The following TTC12 variants were observed in gnomAD, a reference collection of about 807,000 sequenced individuals.
TTC12 encodes tetratricopeptide repeat protein 12.
TTC12 carries 70 observed loss-of-function variants against 90.1 expected under a neutral mutation model. The observed-to-expected ratio is 0.78, with a 90% CI of 0.64 to 0.95. The LOEUF (loss-of-function observed/expected upper bound fraction) is 0.95, where lower values mean the gene tolerates loss of function less well. Ranked by LOEUF, TTC12 falls within the 40% of genes least tolerant of loss-of-function variation. The pLI is 0.00. For missense variants in TTC12, 819 were observed against 846.1 expected, an observed-to-expected ratio of 0.97 and a Z score of 0.40; for synonymous variants, 296 against 311.5, an observed-to-expected ratio of 0.95 and a Z score of 0.53.
intron 13 of TTC12, 87 bp downstream of exon 13, chr11:113,344,527 G>A (rs1948845686): frequency 7.4e-7 from 1 of 1,346,644 alleles, no homozygotes; most frequent in East Asian, 2.3e-5. Context: ...TCCTATCTCT[G>A]TTGTGTGACT....
Position 113,340,698 on chromosome 11 carries a change from A to T in TTC12, c.861A>T (p.Gly287=). The change falls in exon 11 of 22, where the codon GGA becomes GGT. Residue 287 remains glycine (G), a synonymous_variant. Coordinates refer to ENST00000529221, the MANE Select transcript of TTC12 (RefSeq NM_017868.4). ...AAACTTTATTCAGAATGCACAATGGATTTAGTATCATCAGTGACAACGAGG... is the reference window on the plus strand; with the variant it reads ...AAACTTTATTCAGAATGCACAATGGTTTTAGTATCATCAGTGACAACGAGG... The part of the protein sequence containing the change: ...TEQTLFRMHN[G]FSIISDNEVI... 6.2e-7 allele frequency: 1 copy of T among 1,614,116 alleles called. No homozygotes were observed. The highest frequency in any genetic ancestry group is 8.5e-7 in the Non-Finnish European group (1 of 1,179,980).
chr11:113,368,694 G>A (rs1591235320), downstream of TTC12: 3 of 608,582 alleles, frequency 4.9e-6, no homozygotes, highest in Non-Finnish European at 5.9e-6. Context: ...GGAAGGGGCT[G>A]AGATGCTGCA....
chr11:113,370,304 C>A (rs1229459911), downstream of TTC12, among the ~76,000 whole-genome samples: 1 of 152,250 alleles, frequency 6.6e-6, no homozygotes, highest in Admixed American at 6.5e-5. Flanking sequence ...TAGCTCCAAT[C>A]ATATATTCAT....
chr11:113,317,169 G>A (rs1235958975), intron 2 of TTC12, among the ~76,000 whole-genome samples: 1 of 152,148 alleles, frequency 6.6e-6, no homozygotes, highest in African/African-American at 2.4e-5. Flanking sequence ...CCACCTGTTT[G>A]TTCATGACCC....
rs1263019487 is a variant in TTC12, at chr11:113,344,340, A to G, written c.1054A>G (p.Lys352Glu). The part of the protein sequence containing the change: ...ARLLAALLSS[K>E]VLAIRQQSFA... The stretch of plus-strand genomic sequence containing the variant: ...GCTGTTGGCCGCCCTCTTGTCCTCC[A>G]AGGTCCTGGCCATCCGGCAGCAGAG... Residue 352 changes from lysine (K) to glutamate (E), a missense_variant, in exon 13 of 22, where the codon AAG becomes GAG. Lys to Glu is a moderately conservative substitution (Grantham distance 56). Transcript: ENST00000529221. The G allele has an allele frequency of 6.2e-7, 1 of 1,614,184 alleles. No individual in the cohort carries two copies. Among genetic ancestry groups the G allele is most frequent in the East Asian group, 2.2e-5 (1 of 44,882 alleles).
intron 2 of TTC12, among the ~76,000 whole-genome samples, chr11:113,322,875 G>A (rs1317297860): frequency 2.0e-5 from 3 of 152,046 alleles, no homozygotes; most frequent in African/African-American, 7.2e-5. Context: ...AGGGTTAAGG[G>A]CTGCTGTTTT....
chr11:113,336,178 G>A (rs1442626596), intron 8 of TTC12, among the ~76,000 whole-genome samples: 6 of 152,078 alleles, frequency 3.9e-5, no homozygotes, highest in Admixed American at 2.6e-4. Flanking sequence ...TAATGATGTT[G>A]AGGATCTTTT....
intron 2 of TTC12, among the ~76,000 whole-genome samples, chr11:113,318,140 A>G (rs1947063557): frequency 6.6e-6 from 1 of 152,352 alleles, no homozygotes; most frequent in Admixed American, 6.5e-5. Context: ...TAAGGCCTAG[A>G]GAATACAGTC....
rs145057991 is a variant in TTC12, at chr11:113,356,888, T to A, written c.1447-2475T>A. On this transcript the variant is annotated intron_variant, in intron 16 of 21. Coordinates refer to ENST00000529221, the MANE Select transcript of TTC12 (RefSeq NM_017868.4). The stretch of plus-strand genomic sequence containing the variant: ...TTCTTTCATTTTGACCTTGGAGAAT[T>A]TGATGATTATGTGTCTTGGGGGTGA... 6.6e-3 allele frequency among the ~76,000 whole-genome samples: 1,000 copies of A among 152,258 alleles called. 73 individuals are homozygous for A. The East Asian group carries it at 0.17, about 26-fold the overall frequency.
chr11:113,331,405 ATTCTG>A (rs1948058394), intron 7 of TTC12, among the ~76,000 whole-genome samples: 1 of 152,216 alleles, frequency 6.6e-6, no homozygotes, highest in Non-Finnish European at 1.5e-5. Context: ...ACGAAATTCT[ATTCTG>A]TTCTGTTCAG....
rs1304128763 is a variant in TTC12 at position 113,323,323 on chromosome 11, G to T, written c.94G>T (p.Val32Phe). 6.2e-7 allele frequency: 1 copy of T among 1,607,864 alleles called. No individual in the cohort carries two copies. ...TCAGGAGATGAATTCTGATGACCCAGTTGTGCAACAGAAAGCTGTCCTGGA... is the reference window on the plus strand; with the variant it reads ...TCAGGAGATGAATTCTGATGACCCATTTGTGCAACAGAAAGCTGTCCTGGA... ...LIQEMNSDDP[V>F]VQQKAVLETE... The change falls in exon 3 of 22, where the codon GTT (valine) becomes TTT (phenylalanine). Residue 32 changes from valine to phenylalanine, a missense_variant. By Grantham distance (50) the Val-to-Phe change is conservative (BLOSUM62 -1). Coordinates refer to ENST00000529221, the MANE Select transcript of TTC12 (RefSeq NM_017868.4).
At chr11:113,366,149 G>C (rs942167505) in intron 21 of TTC12, 76 bp from the exon 22 acceptor site, 10 of 1,513,292 alleles carry the variant, frequency 6.6e-6, no homozygotes, top group Admixed American at 1.7e-5. Context: ...TTCCATCTGA[G>C]AGGGTGTTGG....
At chr11:113,349,096 ACAGT>A (rs1949128209) in intron 13 of TTC12, among the ~76,000 whole-genome samples, 1 of 152,162 alleles carries the variant, frequency 6.6e-6, no homozygotes, top group Admixed American at 6.5e-5. Context: ...TGCCTGGTAC[ACAGT>A]CAGTGCTTGT....
chr11:113,368,762 T>G, downstream of TTC12: 1 of 509,248 alleles, frequency 2.0e-6, no homozygotes, highest in South Asian at 3.2e-5. Context: ...AATAAGAGCT[T>G]CTTGGCTTGG....
intron 19 of TTC12, 74 bp from the exon 20 acceptor site, chr11:113,363,754 C>A: frequency 2.0e-6 from 2 of 1,024,596 alleles, no homozygotes; most frequent in Non-Finnish European, 3.0e-6. Flanking sequence ...GCTATAATAA[C>A]TGCTTGCTGT....
At chr11:113,359,147 A>G (rs1949779831) in intron 16 of TTC12, among the ~76,000 whole-genome samples, 1 of 151,964 alleles carries the variant, frequency 6.6e-6, no homozygotes, top group Non-Finnish European at 1.5e-5. Context: ...AACCTCAGCC[A>G]TAGTCCCATG....
At chr11:113,357,372 G>A (rs1323249932) in intron 16 of TTC12, among the ~76,000 whole-genome samples, 2 of 152,038 alleles carry the variant, frequency 1.3e-5, no homozygotes, top group African/African-American at 2.4e-5. Flanking sequence ...GGGTTTCAAC[G>A]TACTCCTGTA....
chr11:113,348,842 A>G (rs576201678), intron 13 of TTC12, among the ~76,000 whole-genome samples: 1 of 152,352 alleles, frequency 6.6e-6, no homozygotes, highest in African/African-American at 2.4e-5. Context: ...GAAGGCCCCC[A>G]GGATCTGGGC....
In TTC12 at chr11:113,344,322, G is replaced by T. The variant is rs1555147222; in HGVS notation, c.1036G>T (p.Ala346Ser). The T allele has an allele frequency of 6.2e-7, 1 of 1,614,214 alleles. No individual in the cohort carries two copies. The highest frequency in any genetic ancestry group is 8.5e-7 in the Non-Finnish European group (1 of 1,180,018). The change falls in exon 13 of 22, where the codon GCC (alanine) becomes TCC (serine). Residue 346 changes from alanine to serine, a missense_variant. By Grantham distance (99) the Ala-to-Ser change is moderately conservative. Coordinates refer to ENST00000529221, the MANE Select transcript of TTC12 (RefSeq NM_017868.4). ...VIHHDRARLL[A>S]ALLSSKVLAI... Reference sequence around the variant, plus strand: ...ACACCATGACAGGGCCAGGCTGTTGGCCGCCCTCTTGTCCTCCAAGGTCCT... The same window carrying T: ...ACACCATGACAGGGCCAGGCTGTTGTCCGCCCTCTTGTCCTCCAAGGTCCT...
Sources: gnomAD v4.1 joint callset for allele counts (sites outside exome capture counted in the v4.1 genomes callset) on GRCh38, gnomAD v4.1.1 for gene constraint, MANE v1.5 for transcripts, NCBI Gene and HGNC (gene_info 2026-07-23, HGNC 2026-07-21) for gene names.